Variants in SVOPL observed in about 807,000 individuals in gnomAD.
The protein encoded by SVOPL is SVOP like.
SVOPL carries 60 observed loss-of-function variants against 61.0 expected under a neutral mutation model. That is an observed-to-expected ratio of 0.98 (90% CI 0.80 to 1.22). The LOEUF (loss-of-function observed/expected upper bound fraction) is 1.22, where lower values mean the gene tolerates loss of function less well. SVOPL is among the 50% of genes most tolerant of loss of function. The pLI, the probability that SVOPL is intolerant of heterozygous loss-of-function variation, is 0.00. For synonymous variants in SVOPL, 279 were observed against 250.0 expected, an observed-to-expected ratio of 1.12 and a Z score of -1.09; for missense variants, 662 against 643.9, an observed-to-expected ratio of 1.03 and a Z score of -0.30.
intron 3 of SVOPL, among the ~76,000 whole-genome samples, chr7:138,673,379 T>C (rs1207010225): frequency 6.6e-6 from 1 of 152,202 alleles, no homozygotes; most frequent in Non-Finnish European, 1.5e-5. Context: ...CAGAAGAGGC[T>C]GACCAGGTGA....
intron 15 of SVOPL, among the ~76,000 whole-genome samples, chr7:138,594,830 G>A (rs545008283): frequency 2.3e-4 from 35 of 151,206 alleles, no homozygotes; most frequent in South Asian, 2.1e-4. Flanking sequence ...AAAAATTCAC[G>A]TTTTATACAT....
intron 14 of SVOPL, among the ~76,000 whole-genome samples, chr7:138,614,144 C>G (rs1799178559): frequency 6.6e-6 from 1 of 152,120 alleles, no homozygotes. Flanking sequence ...CTCTAACTGC[C>G]AAACTACATA....
intron 7 of SVOPL, among the ~76,000 whole-genome samples, chr7:138,654,620 C>G (rs1290300628): frequency 9.9e-5 from 15 of 151,508 alleles, no homozygotes; most frequent in African/African-American, 3.4e-4. Flanking sequence ...CTGCCTCAGC[C>G]TCCCGAGTAG....
At chr7:138,638,898 T>C (rs768365074) in intron 9 of SVOPL, among the ~76,000 whole-genome samples, 6 of 152,162 alleles carry the variant, frequency 3.9e-5, no homozygotes, top group Non-Finnish European at 8.8e-5. Flanking sequence ...AGGAAAGACA[T>C]GATTCAGAAG....
rs973534022 is a variant in SVOPL, at chr7:138,690,837, A to G, written c.-35+10341T>C. Among the ~76,000 whole-genome samples, 17 of 152,036 alleles carry G rather than the reference A, an allele frequency of 1.1e-4. No homozygotes were observed. In the East Asian group the frequency reaches 3.1e-3, roughly 28 times the overall value. ...GCCCAGGCTGGAGTGCAGTGGCGCA[A>G]TCTCAGCTCACTTCAGCCTCTGCCT... On this transcript the variant is annotated intron_variant, in intron 1 of 15. Transcript: ENST00000674285.
At chr7:138,637,346 T>C (rs1800515027) in intron 9 of SVOPL, among the ~76,000 whole-genome samples, 1 of 151,262 alleles carries the variant, frequency 6.6e-6, no homozygotes, top group African/African-American at 2.4e-5. Context: ...GAAAAACACT[T>C]GAACTCAGGA....
rs1434695469 is a variant in SVOPL, at chr7:138,678,533, C to T, written c.83-8G>A. 12 of 1,551,614 alleles carry T rather than the reference C, an allele frequency of 7.7e-6. No individual in the cohort carries two copies. In the African/African-American group the frequency reaches 1.4e-4, roughly 18 times the overall value. On this transcript the variant is annotated splice_polypyrimidine_tract_variant and splice_region_variant and intron_variant, in intron 2 of 15. Transcript: ENST00000674285. Reference sequence around the variant, plus strand: ...CGGTGAACGTCTTTGGCTCTAACAACGAAAGACAAAGTGGAAAAAATTGCT... The same window carrying T: ...CGGTGAACGTCTTTGGCTCTAACAATGAAAGACAAAGTGGAAAAAATTGCT...
intron 9 of SVOPL, among the ~76,000 whole-genome samples, chr7:138,637,177 CA>C (rs552504202): frequency 1.0e-3 from 157 of 152,122 alleles, no homozygotes; most frequent in Non-Finnish European, 1.2e-3. Context: ...CATGTAATCT[CA>C]GCACTTTGGG....
chr7:138,639,357 T>C (rs1023263755), intron 9 of SVOPL, among the ~76,000 whole-genome samples: 1 of 152,018 alleles, frequency 6.6e-6, no homozygotes, highest in Admixed American at 6.6e-5. Flanking sequence ...CTGGGCACAG[T>C]GGCTCATGCC....
At chr7:138,652,274 ACTC>A (rs1173681780) in intron 7 of SVOPL, among the ~76,000 whole-genome samples, 2 of 151,620 alleles carry the variant, frequency 1.3e-5, no homozygotes, top group Non-Finnish European at 2.9e-5. Context: ...CTGGTCTCAG[ACTC>A]CTAACCTCAA....
At chr7:138,620,126 T>TTTTTG (rs1799493047) in intron 14 of SVOPL, among the ~76,000 whole-genome samples, 1 of 113,552 alleles carries the variant, frequency 8.8e-6, no homozygotes, top group African/African-American at 3.9e-5. Context: ...TCTGTTTTGT[T>TTTTTG]TTTTTTTTTT....
At chr7:138,600,286 T>C (rs368718136) in intron 14 of SVOPL, among the ~76,000 whole-genome samples, 1 of 152,232 alleles carries the variant, frequency 6.6e-6, no homozygotes, top group East Asian at 1.9e-4. Context: ...GTTCACCAGA[T>C]TGAAAAGGGT....
chr7:138,613,377 A>G (rs1014624752), intron 14 of SVOPL, among the ~76,000 whole-genome samples: 1 of 152,092 alleles, frequency 6.6e-6, no homozygotes, highest in South Asian at 2.1e-4. Context: ...TAAAACCCTT[A>G]AAGTTTTCCC....
rs1226322432 is a variant in SVOPL, at chr7:138,637,499, T to TAGATATATAGATATATAG, written c.789+7217_789+7218insCTATATATCTATATATCT. Among the ~76,000 whole-genome samples the TAGATATATAGATATATAG allele has an allele frequency of 1.1e-3, 63 of 57,394 alleles. 1 individual carries two copies. The highest frequency in any genetic ancestry group is 4.1e-3 in the African/African-American group (60 of 14,798). 37.7% of individuals were successfully genotyped at this position (57,394 alleles called of 152,430 possible). ...AGATATAGATATAGATAGATATATA[T>TAGATATATAGATATATAG]ATATATATATAGATAGATAGATACA... On this transcript the variant is annotated intron_variant, in intron 9 of 15. Coordinates refer to ENST00000674285, the MANE Select transcript of SVOPL (RefSeq NM_001139456.2).
chr7:138,629,629 T>TA (rs1800079789), intron 10 of SVOPL, among the ~76,000 whole-genome samples: 1 of 152,234 alleles, frequency 6.6e-6, no homozygotes, highest in Non-Finnish European at 1.5e-5. Flanking sequence ...TAGCATGTTT[T>TA]AGTCCTGTTT....
intron 3 of SVOPL, among the ~76,000 whole-genome samples, chr7:138,677,505 A>G (rs1455993530): frequency 6.6e-6 from 1 of 152,084 alleles, no homozygotes; most frequent in East Asian, 1.9e-4. Flanking sequence ...ACCCCAAGAC[A>G]TGTTTCTTTG....
At chr7:138,648,702 C>T (rs542816782) in intron 8 of SVOPL, among the ~76,000 whole-genome samples, 5 of 151,274 alleles carry the variant, frequency 3.3e-5, no homozygotes, top group South Asian at 4.2e-4. Context: ...TGCACTCCAG[C>T]GCCACTGCAC....
intron 8 of SVOPL, among the ~76,000 whole-genome samples, chr7:138,645,462 T>C (rs570021106): frequency 6.6e-6 from 1 of 152,234 alleles, no homozygotes; most frequent in Non-Finnish European, 1.5e-5. Flanking sequence ...TGGCCCCACA[T>C]TCCCATGGCC....
At chr7:138,678,377 C>T (rs1386087552) in intron 3 of SVOPL, 57 bp downstream of exon 3, 1 of 1,522,890 alleles carries the variant, frequency 6.6e-7, no homozygotes, top group African/African-American at 1.4e-5. Flanking sequence ...GAATAAATCT[C>T]TTCAAATATT....
Sources: allele counts gnomAD v4.1 joint callset (sites outside exome capture counted in the v4.1 genomes callset), GRCh38; gene constraint gnomAD v4.1.1; transcripts MANE v1.5; gene names NCBI Gene and HGNC (gene_info 2026-07-23, HGNC 2026-07-21).